SRSF8: variants seen among roughly 807,000 people sequenced by gnomAD.
SRSF8 encodes serine/arginine-rich splicing factor 8.
A neutral mutation model predicts 2.0 loss-of-function variants in SRSF8; 3 were observed. The ratio of observed to expected loss-of-function variants is 1.47; its 90% confidence interval spans 0.67 to 3.79. SRSF8 has a LOEUF of 3.79. Ranked by LOEUF, SRSF8 falls within the 30% of genes most tolerant of loss-of-function variation. The pLI is 0.02. For missense variants in SRSF8, 408 were observed against 410.9 expected, an observed-to-expected ratio of 0.99 and a Z score of 0.06; for synonymous variants, 162 against 170.7, an observed-to-expected ratio of 0.95 and a Z score of 0.40.
At position 95,070,401 on chromosome 11, in the gene SRSF8, AAAC is replaced by A; in HGVS notation, c.*2329_*2331del. 6.2e-6 allele frequency: 1 copy of A among 160,666 alleles called. No individual in the cohort carries two copies. The allele number at this position is 160,666 out of a possible 1,614,324, so 10.0% of individuals were successfully genotyped here. On this transcript the variant is annotated 3_prime_UTR_variant, in exon 1 of 1. Coordinates refer to ENST00000587424, the MANE Select transcript of SRSF8 (RefSeq NM_032102.4). ...AAAAAAAAAGAAAAAGGAAAAAAAC[AAAC>A]AAACAACAACTTTGAAACCTAGGAA...
rs1175458147 is a variant in SRSF8 at position 95,068,468 on chromosome 11, A to AC, written c.*394dup. The AC allele has an allele frequency of 1.8e-4, 7 of 38,408 alleles. No individual in the cohort carries two copies. Among genetic ancestry groups the AC allele is most frequent in the Non-Finnish European group, 3.8e-4 (5 of 13,056 alleles). 2.4% of individuals were successfully genotyped at this position (38,408 alleles called of 1,614,324 possible). On this transcript the variant is annotated 3_prime_UTR_variant, in exon 1 of 1. Coordinates refer to ENST00000587424, the MANE Select transcript of SRSF8 (RefSeq NM_032102.4). ...TTACACACAGCCTAACGCTGTCAAG[A>AC]CATGCTTCAACATTGCCTTCATTCC...
rs1398323487 is a variant in SRSF8 at position 95,069,612 on chromosome 11, G to T, written c.*1537G>T. 1 of 167,040 alleles carries T rather than the reference G, an allele frequency of 6.0e-6. No individual in the cohort carries two copies. Among genetic ancestry groups the T allele is most frequent in the Non-Finnish European group, 1.5e-5 (1 of 68,118 alleles). 10.3% of individuals were successfully genotyped at this position (167,040 alleles called of 1,614,324 possible). Reference sequence around the variant, plus strand: ...GTTCGATTCTTGAATGAACTGGCAAGGTGGCTGTGGTCTGTAGATATACAT... The same window carrying T: ...GTTCGATTCTTGAATGAACTGGCAATGTGGCTGTGGTCTGTAGATATACAT... On this transcript the variant is annotated 3_prime_UTR_variant, in exon 1 of 1. Transcript: ENST00000587424.
chr11:95,068,073 T>A lies in SRSF8; in HGVS notation c.847T>A (p.Ter283LysextTer48). The A allele has an allele frequency of 6.2e-7, 1 of 1,602,866 alleles. No homozygotes were observed. The highest frequency in any genetic ancestry group is 2.2e-5 in the East Asian group (1 of 44,548). The change falls in exon 1 of 1, where the codon TAA becomes AAA. Residue 283 changes from the stop codon to lysine (K), a stop_lost. Transcript: ENST00000587424. ...TGAAGAGGAAGGACAGATGTCCTCT[T>A]AAGAAAATGATGCATCAGGAAGCAA... Reference protein sequence around the residue: ...SPEEEGQMSS* With the variant: ...SPEEEGQMSSK
rs1370616279 is a variant in SRSF8 at position 95,067,082 on chromosome 11, C to T, written c.-145C>T. ...ACTCGGAAGTTGCTGCTCCAGGGCGCTCCCTGCGGAGCTCCGCCGCCCGCC... is the reference window on the plus strand; with the variant it reads ...ACTCGGAAGTTGCTGCTCCAGGGCGTTCCCTGCGGAGCTCCGCCGCCCGCC... On this transcript the variant is annotated 5_prime_UTR_variant, in exon 1 of 1. Coordinates refer to ENST00000587424, the MANE Select transcript of SRSF8 (RefSeq NM_032102.4). 5.4e-6 allele frequency: 4 copies of T among 746,872 alleles called. No homozygotes were observed. Among genetic ancestry groups the T allele is most frequent in the Non-Finnish European group, 8.0e-6 (4 of 501,790 alleles). 46.3% of individuals were successfully genotyped at this position (746,872 alleles called of 1,614,324 possible).
chr11:95,068,033 G>A lies in SRSF8; in HGVS notation c.807G>A (p.Arg269=). The A allele has an allele frequency of 6.2e-7, 1 of 1,613,594 alleles. No individual in the cohort carries two copies. Residue 269 remains arginine, a synonymous_variant, in exon 1 of 1, where the codon AGG becomes AGA. Coordinates refer to ENST00000587424, the MANE Select transcript of SRSF8 (RefSeq NM_032102.4). Reference sequence around the variant, plus strand: ...CCAAGTCAAGGTCGCGATCCAAGAGGCCCCCCAAGTCTCCTGAAGAGGAAG... The same window carrying A: ...CCAAGTCAAGGTCGCGATCCAAGAGACCCCCCAAGTCTCCTGAAGAGGAAG... ...RKSKSRSRSK[R]PPKSPEEEGQ... is the part of the protein sequence containing the mutation.
At position 95,067,210 on chromosome 11, in the gene SRSF8, G is replaced by C. The variant is rs1260259571; in HGVS notation, c.-17G>C. 1.5e-5 allele frequency: 22 copies of C among 1,475,428 alleles called. No individual in the cohort carries two copies. Among genetic ancestry groups the C allele is most frequent in the East Asian group, 8.4e-5 (3 of 35,868 alleles). The allele number at this position is 1,475,428 out of a possible 1,614,324, so 91.4% of individuals were successfully genotyped here. On this transcript the variant is annotated 5_prime_UTR_variant, in exon 1 of 1. Transcript: ENST00000587424. Reference sequence around the variant, plus strand: ...CAGAGCAGCGCCAGTTTCCGGGCCCGGGCTGCTCTCGGAGCCATGAGCTGC... The same window carrying C: ...CAGAGCAGCGCCAGTTTCCGGGCCCCGGCTGCTCTCGGAGCCATGAGCTGC...
Position 95,067,253 on chromosome 11 carries a change from C to G in SRSF8, c.27C>G (p.Asp9Glu). MSCGRPPP[D>E]VDGMITLKVD... Reference sequence around the variant, plus strand: ...TGAGCTGCGGCCGCCCCCCTCCCGACGTGGACGGCATGATCACCCTCAAGG... The same window carrying G: ...TGAGCTGCGGCCGCCCCCCTCCCGAGGTGGACGGCATGATCACCCTCAAGG... Residue 9 changes from aspartate to glutamate, a missense_variant, in exon 1 of 1, where the codon GAC becomes GAG. Coordinates refer to ENST00000587424, the MANE Select transcript of SRSF8 (RefSeq NM_032102.4). 2 of 1,550,782 alleles carry G rather than the reference C, an allele frequency of 1.3e-6. No individual in the cohort carries two copies.
Position 95,067,821 on chromosome 11 carries a change from C to G in SRSF8, c.595C>G (p.Arg199Gly). 2 of 1,614,048 alleles carry G rather than the reference C, an allele frequency of 1.2e-6. No homozygotes were observed. Among genetic ancestry groups the G allele is most frequent in the Non-Finnish European group, 1.7e-6 (2 of 1,179,892 alleles). The change falls in exon 1 of 1, where the codon CGC becomes GGC. Residue 199 changes from arginine (R) to glycine (G), a missense_variant. Transcript: ENST00000587424. ...HYSSSGYSNS[R>G]YSRYHSSRSH... Reference sequence around the variant, plus strand: ...CAGCTCATCTGGTTACAGTAACTCTCGCTACAGCCGATATCACAGCAGCCG... The same window carrying G: ...CAGCTCATCTGGTTACAGTAACTCTGGCTACAGCCGATATCACAGCAGCCG...
rs1410089961 is a variant in SRSF8, at chr11:95,067,017, C to G, written c.-210C>G. ...TTGGAGTTCAGCTACCAAAAGGAAA[C>G]CTTCCTCTGGGTCCTGGAGTATTTG... On this transcript the variant is annotated 5_prime_UTR_variant, in exon 1 of 1. Transcript: ENST00000587424. 6.6e-6 allele frequency among the ~76,000 whole-genome samples: 1 copy of G among 152,368 alleles called. No individual in the cohort carries two copies. The highest frequency in any genetic ancestry group is 1.9e-4 in the East Asian group (1 of 5,190).
rs1014496939 is a variant in SRSF8 at position 95,067,436 on chromosome 11, C to T, written c.210C>T (p.Asp70=). The T allele has an allele frequency of 1.3e-6, 2 of 1,547,318 alleles. No homozygotes were observed. The highest frequency in any genetic ancestry group is 1.9e-5 in the Admixed American group (1 of 51,762). Residue 70 remains aspartate, a synonymous_variant, in exon 1 of 1, where the codon GAC becomes GAT. Coordinates refer to ENST00000587424, the MANE Select transcript of SRSF8 (RefSeq NM_032102.4). ...TTCACGACCGGCGCGACGCCCAAGA[C>T]GCCGAGGCCGCCATGGACGGGGCGG... ...VRFHDRRDAQ[D]AEAAMDGAEL...
chr11:95,067,755 A>T lies in SRSF8; in HGVS notation c.529A>T (p.Arg177Ter), dbSNP rs1305643146. The T allele has an allele frequency of 1.9e-6, 3 of 1,614,008 alleles. No homozygotes were observed. The highest frequency in any genetic ancestry group is 2.5e-6 in the Non-Finnish European group (3 of 1,179,894). ...RSRYSRSPYS[R>*]SRYRESRYGG... ...GCGCTACAGCCGCTCTCCCTACAGC[A>T]GATCTCGCTACAGGGAATCTCGCTA... The change falls in exon 1 of 1, where the codon AGA becomes TGA. Residue 177 changes from arginine (R) to a stop codon, truncating the protein, a stop_gained. Transcript: ENST00000587424. LOFTEE classifies it low-confidence loss of function (END_TRUNC).
In SRSF8 at chr11:95,071,072, A is replaced by G. The variant is rs1429381821; in HGVS notation, c.*2997A>G. On this transcript the variant is annotated 3_prime_UTR_variant, in exon 1 of 1. Coordinates refer to ENST00000587424, the MANE Select transcript of SRSF8 (RefSeq NM_032102.4). ...GCTTAATTTTGTTTTTGAGCTTTGTATAAGTGGAATTTTGTGTGTACTGAT... is the reference window on the plus strand; with the variant it reads ...GCTTAATTTTGTTTTTGAGCTTTGTGTAAGTGGAATTTTGTGTGTACTGAT... 1.2e-5 allele frequency: 2 copies of G among 167,130 alleles called. No individual in the cohort carries two copies. Among genetic ancestry groups the G allele is most frequent in the African/African-American group, 4.8e-5 (2 of 41,478 alleles). 10.4% of individuals were successfully genotyped at this position (167,130 alleles called of 1,614,324 possible). A position where few individuals can be genotyped will look rare whatever the true frequency, so the allele number is the denominator to read the frequency against.
chr11:95,068,113 T>TG lies in SRSF8; in HGVS notation c.*43dup, dbSNP rs782172264. The TG allele has an allele frequency of 2.6e-6, 4 of 1,567,444 alleles. No individual in the cohort carries two copies. In the South Asian group the frequency reaches 3.5e-5, roughly 14 times the overall value. ...TCAGGAAGCAACGTGATGGAGGACT[T>TG]GGGGGAAAAGGATCACATACTCAGT... On this transcript the variant is annotated 3_prime_UTR_variant, in exon 1 of 1. Coordinates refer to ENST00000587424, the MANE Select transcript of SRSF8 (RefSeq NM_032102.4).
Position 95,067,426 on chromosome 11 carries a change from A to T in SRSF8, c.200A>T (p.Asp67Val), listed in dbSNP as rs1467931485. 10 of 1,517,832 alleles carry T rather than the reference A, an allele frequency of 6.6e-6. No homozygotes were observed. The highest frequency in any genetic ancestry group is 8.0e-6 in the Non-Finnish European group (9 of 1,129,930). 94.0% of individuals were successfully genotyped at this position (1,517,832 alleles called of 1,614,324 possible). The part of the protein sequence containing the change: ...FAFVRFHDRR[D>V]AQDAEAAMDG... The stretch of plus-strand genomic sequence containing the variant: ...TTCGTCCGCTTTCACGACCGGCGCG[A>T]CGCCCAAGACGCCGAGGCCGCCATG... Residue 67 changes from aspartate (D) to valine (V), a missense_variant, in exon 1 of 1, where the codon GAC (aspartate) becomes GTC (valine). Coordinates refer to ENST00000587424, the MANE Select transcript of SRSF8 (RefSeq NM_032102.4).
In SRSF8 at chr11:95,070,724, T is replaced by G. The variant is rs77209573; in HGVS notation, c.*2649T>G. The G allele has an allele frequency of 7.6e-3, 1,263 of 167,168 alleles. 15 individuals carry two copies. Among genetic ancestry groups the G allele is most frequent in the African/African-American group, 0.029 (1,200 of 41,504 alleles). The allele number at this position is 167,168 out of a possible 1,614,324, so 10.4% of individuals were successfully genotyped here. A position where few individuals can be genotyped will look rare whatever the true frequency, so the allele number is the denominator to read the frequency against. On this transcript the variant is annotated 3_prime_UTR_variant, in exon 1 of 1. Coordinates refer to ENST00000587424, the MANE Select transcript of SRSF8 (RefSeq NM_032102.4). The stretch of plus-strand genomic sequence containing the variant: ...AGTAATCCAGAAAGAAAGGTGACAA[T>G]GGCTTAGACTTCAGTGGTAGTGTTG...
At position 95,070,504 on chromosome 11, in the gene SRSF8, T is replaced by C. The variant is rs782218152; in HGVS notation, c.*2429T>C. The C allele has an allele frequency of 6.0e-6, 1 of 167,152 alleles. No homozygotes were observed. The allele number at this position is 167,152 out of a possible 1,614,324, so 10.4% of individuals were successfully genotyped here. The stretch of plus-strand genomic sequence containing the variant: ...GAACATACCCTACCTCTACTCTACA[T>C]GTGGAAGACCTGACCCACAGAGGAC... On this transcript the variant is annotated 3_prime_UTR_variant, in exon 1 of 1. Coordinates refer to ENST00000587424, the MANE Select transcript of SRSF8 (RefSeq NM_032102.4).
Position 95,068,024 on chromosome 11 carries a change from A to T in SRSF8, c.798A>T (p.Arg266=). ...VSKRKSKSRS[R]SKRPPKSPEE... is the part of the protein sequence containing the mutation. ...AGAGGAAATCCAAGTCAAGGTCGCG[A>T]TCCAAGAGGCCCCCCAAGTCTCCTG... is the stretch of plus-strand genomic sequence containing the variant. Residue 266 remains arginine, a synonymous_variant, in exon 1 of 1, where the codon CGA becomes CGT. Coordinates refer to ENST00000587424, the MANE Select transcript of SRSF8 (RefSeq NM_032102.4). The T allele has an allele frequency of 3.1e-6, 5 of 1,613,836 alleles. No homozygotes were observed. Among genetic ancestry groups the T allele is most frequent in the Non-Finnish European group, 4.2e-6 (5 of 1,179,798 alleles).
At position 95,070,061 on chromosome 11, in the gene SRSF8, T is replaced by C. The variant is rs1217531682; in HGVS notation, c.*1986T>C. 4.8e-5 allele frequency: 8 copies of C among 166,996 alleles called. No individual in the cohort carries two copies. Among genetic ancestry groups the C allele is most frequent in the African/African-American group, 1.9e-4 (8 of 41,402 alleles). 10.3% of individuals were successfully genotyped at this position (166,996 alleles called of 1,614,324 possible). On this transcript the variant is annotated 3_prime_UTR_variant, in exon 1 of 1. Transcript: ENST00000587424. Reference sequence around the variant, plus strand: ...TATGATGTTAAAATCAGCAACTCTTTATACGTTAAAAACTTTGAAACCTGT... The same window carrying C: ...TATGATGTTAAAATCAGCAACTCTTCATACGTTAAAAACTTTGAAACCTGT...
At position 95,069,043 on chromosome 11, in the gene SRSF8, G is replaced by A. The variant is rs187747622; in HGVS notation, c.*968G>A. The A allele has an allele frequency of 6.0e-6, 1 of 166,562 alleles. No individual in the cohort carries two copies. The highest frequency in any genetic ancestry group is 1.5e-5 in the Non-Finnish European group (1 of 68,060). 10.3% of individuals were successfully genotyped at this position (166,562 alleles called of 1,614,324 possible). A position where few individuals can be genotyped will look rare whatever the true frequency, so the allele number is the denominator to read the frequency against. On this transcript the variant is annotated 3_prime_UTR_variant, in exon 1 of 1. Coordinates refer to ENST00000587424, the MANE Select transcript of SRSF8 (RefSeq NM_032102.4). Reference sequence around the variant, plus strand: ...ATCTTTTTGATTATTAATTTTTTACGCTAACCATTGTTTCTGTAGTTAAAA... The same window carrying A: ...ATCTTTTTGATTATTAATTTTTTACACTAACCATTGTTTCTGTAGTTAAAA...
Sources: allele counts gnomAD v4.1 joint callset (sites outside exome capture counted in the v4.1 genomes callset), GRCh38; gene constraint gnomAD v4.1.1; transcripts MANE v1.5; gene names NCBI Gene and HGNC (gene_info 2026-07-23, HGNC 2026-07-21).